Variants in SERPINB5 observed in about 807,000 individuals in gnomAD.
SERPINB5 encodes serpin B5.
In SERPINB5, 27 loss-of-function variants were observed where a neutral mutation model predicts 32.2. That is an observed-to-expected ratio of 0.84 (90% CI 0.62 to 1.16). SERPINB5 has a LOEUF of 1.16. Among genes scored for constraint, SERPINB5 ranks in the 50% most tolerant of loss-of-function variants. The pLI, the probability that SERPINB5 is intolerant of heterozygous loss-of-function variation, is 0.00. For synonymous variants in SERPINB5, 154 were observed against 157.4 expected (o/e 0.98, Z 0.16); for missense variants, 388 against 436.3 (o/e 0.89, Z 0.99).
intron 2 of SERPINB5, chr18:63,485,965 G>T (rs756091117): frequency 2.6e-5 from 4 of 151,812 alleles, no homozygotes; most frequent in Non-Finnish European, 5.9e-5. Flanking sequence ...ATGTTGTGGT[G>T]TTGCAAGGCA....
chr18:63,479,913 A>C (rs2144491700), intron 1 of SERPINB5, among the ~76,000 whole-genome samples: 1 of 152,264 alleles, frequency 6.6e-6, no homozygotes, highest in South Asian at 2.1e-4. Context: ...TCAAGGGGAG[A>C]CTTCAGGACA....
At position 63,484,569 on chromosome 18, in the gene SERPINB5, A is replaced by G; in HGVS notation, c.141A>G (p.Lys47=). The G allele has an allele frequency of 6.2e-7, 1 of 1,613,680 alleles. No individual in the cohort carries two copies. The highest frequency in any genetic ancestry group is 8.5e-7 in the Non-Finnish European group (1 of 1,179,930). Residue 47 remains lysine, a synonymous_variant, in exon 2 of 7, where the codon AAA becomes AAG. Transcript: ENST00000382771. ...TSLSLAQVGA[K]GDTANEIGQV... ...TGTCACTTGCTCAAGTGGGTGCTAA[A>G]GGTGACACTGCAAATGAAATTGGAC...
Position 63,486,999 on chromosome 18 carries a change from A to G in SERPINB5, c.222A>G (p.Thr74=). ...TACCCTTTGGATTTCAAACAGTAAC[A>G]TCGGATGTAAACAAACTTAGTTCCT... ...KDVPFGFQTV[T]SDVNKLSSFY... is the part of the protein sequence containing the mutation. Residue 74 remains threonine, a synonymous_variant, in exon 3 of 7, where the codon ACA becomes ACG. Transcript: ENST00000382771. 3 of 1,614,220 alleles carry G rather than the reference A, an allele frequency of 1.9e-6. No individual in the cohort carries two copies. Among genetic ancestry groups the G allele is most frequent in the Non-Finnish European group, 2.5e-6 (3 of 1,180,004 alleles).
rs1909371498 is a variant in SERPINB5 at position 63,492,976 on chromosome 18, G to A, written c.448G>A (p.Asp150Asn). ...AGGCCACTTTGAGAACATTTTAGCT[G>A]ACAACAGTGTGAACGACCAGACCAA... is the stretch of plus-strand genomic sequence containing the variant. Reference protein sequence around the residue: ...TDGHFENILADNSVNDQTKIL... With the variant: ...TDGHFENILANNSVNDQTKIL... The change falls in exon 5 of 7, where the codon GAC (aspartate) becomes AAC (asparagine). Residue 150 changes from aspartate (D) to asparagine (N), a missense_variant. Transcript: ENST00000382771. The A allele has an allele frequency of 6.2e-7, 1 of 1,613,292 alleles. No individual in the cohort carries two copies. The highest frequency in any genetic ancestry group is 1.3e-5 in the African/African-American group (1 of 74,874).
intron 4 of SERPINB5, among the ~76,000 whole-genome samples, chr18:63,492,163 G>C (rs186319249): frequency 7.7e-4 from 118 of 152,286 alleles, no homozygotes; most frequent in African/African-American, 2.8e-3. Flanking sequence ...TTTTTATTAA[G>C]GGATCACTCC....
At chr18:63,499,429 G>A (rs1354861215) in intron 6 of SERPINB5, 142 bp downstream of exon 6, 7 of 629,208 alleles carry the variant, frequency 1.1e-5, no homozygotes, top group Admixed American at 4.1e-5. Context: ...AGGACCCATG[G>A]TTCTTTCTGG....
intron 4 of SERPINB5, chr18:63,490,622 G>GTC (rs1262958142): frequency 6.6e-6 from 1 of 152,178 alleles, no homozygotes; most frequent in Non-Finnish European, 1.5e-5. Context: ...CAGCTACTCT[G>GTC]TCTCTGTACT....
intron 4 of SERPINB5, among the ~76,000 whole-genome samples, chr18:63,491,333 C>T (rs569279431): frequency 1.1e-4 from 14 of 129,532 alleles, no homozygotes; most frequent in Non-Finnish European, 1.9e-4. Flanking sequence ...ACCTGGGAGG[C>T]GGAGGTTGCA....
chr18:63,477,365 G>A (rs1917052700), intron 1 of SERPINB5: 1 of 152,150 alleles, frequency 6.6e-6, no homozygotes, highest in Non-Finnish European at 1.5e-5. Flanking sequence ...TCACGGAGGA[G>A]AAAATACTTC....
At chr18:63,484,302 T>C (rs79308051) in intron 1 of SERPINB5, 120 bp from the exon 2 acceptor site, 15,689 of 1,026,350 alleles carry the variant, frequency 0.015, 179 homozygotes, top group African/African-American at 0.053. Flanking sequence ...AGAAAGTTCC[T>C]TGTTTCTTCT....
chr18:63,489,475 T>G lies in SERPINB5; in HGVS notation c.424+11T>G. On this transcript the variant is annotated intron_variant, in intron 4 of 6. Coordinates refer to ENST00000382771, the MANE Select transcript of SERPINB5 (RefSeq NM_002639.5). ...AGGATCTCACAGATGGCAAGTACCCTTTAATTGTTCTGCTATCAATCACCA... is the reference window on the plus strand; with the variant it reads ...AGGATCTCACAGATGGCAAGTACCCGTTAATTGTTCTGCTATCAATCACCA... The G allele has an allele frequency of 6.8e-7, 1 of 1,479,674 alleles. No individual in the cohort carries two copies. The highest frequency in any genetic ancestry group is 9.4e-7 in the Non-Finnish European group (1 of 1,062,436). 91.7% of individuals were successfully genotyped at this position (1,479,674 alleles called of 1,614,324 possible).
At position 63,495,332 on chromosome 18, in the gene SERPINB5, A is replaced by G. The variant is rs1382111852; in HGVS notation, c.567+2237A>G. On this transcript the variant is annotated intron_variant, in intron 5 of 6. Coordinates refer to ENST00000382771, the MANE Select transcript of SERPINB5 (RefSeq NM_002639.5). The stretch of plus-strand genomic sequence containing the variant: ...TTATCTGGAGTGGAAGTGGAACGTG[A>G]CTTTACCCAGCCTCTACTGTGAGTT... Among the ~76,000 whole-genome samples, 8 of 149,286 alleles carry G rather than the reference A, an allele frequency of 5.4e-5. No homozygotes were observed. The East Asian group carries it at 1.7e-3, about 32-fold the overall frequency.
At chr18:63,496,500 G>A (rs1909450373) in intron 5 of SERPINB5, among the ~76,000 whole-genome samples, 1 of 152,132 alleles carries the variant, frequency 6.6e-6, no homozygotes, top group South Asian at 2.1e-4. Flanking sequence ...TAGTTGGGGT[G>A]GGAAGTGGAA....
chr18:63,481,452 T>C (rs2144492821), intron 1 of SERPINB5, among the ~76,000 whole-genome samples: 2 of 152,346 alleles, frequency 1.3e-5, no homozygotes, highest in South Asian at 4.1e-4. Context: ...GGATAATAAA[T>C]ACGTGCTTGG....
At chr18:63,499,827 G>C (rs1429835328) in intron 6 of SERPINB5, among the ~76,000 whole-genome samples, 1 of 151,892 alleles carries the variant, frequency 6.6e-6, no homozygotes. Flanking sequence ...TTTAAAATTA[G>C]TAGATGTTAT....
In SERPINB5 at chr18:63,498,749, G is replaced by A. The variant is rs568654437; in HGVS notation, c.568-371G>A. The stretch of plus-strand genomic sequence containing the variant: ...GACACTGTGTCAAGAGCAAATTTGT[G>A]TATATATATATATGTACATATATAT... On this transcript the variant is annotated intron_variant, in intron 5 of 6. Transcript: ENST00000382771. The surrounding 1 kb of genome is among the most constrained non-coding windows in gnomAD (Gnocchi z 4.2). Among the ~76,000 whole-genome samples, 29 of 149,972 alleles carry A rather than the reference G, an allele frequency of 1.9e-4. No individual in the cohort carries two copies. The South Asian group carries it at 6.1e-3, about 32-fold the overall frequency.
rs115548677 is a variant in SERPINB5, at chr18:63,495,630, G to A, written c.567+2535G>A. Reference sequence around the variant, plus strand: ...TTTTGTGTCAACCACACTAAGGGTCGTACTTTTTTCATTAAGAAAGTATTA... The same window carrying A: ...TTTTGTGTCAACCACACTAAGGGTCATACTTTTTTCATTAAGAAAGTATTA... On this transcript the variant is annotated intron_variant, in intron 5 of 6. Transcript: ENST00000382771. Among the ~76,000 whole-genome samples the A allele has an allele frequency of 4.8e-3, 732 of 152,318 alleles. 7 individuals carry two copies. Among genetic ancestry groups the A allele is most frequent in the African/African-American group, 0.017 (702 of 41,566 alleles).
chr18:63,487,188 G>T, intron 3 of SERPINB5, 105 bp downstream of exon 3: 1 of 1,104,826 alleles, frequency 9.1e-7, no homozygotes, highest in Non-Finnish European at 1.3e-6. Flanking sequence ...TTTCTAGGAT[G>T]TTCACTTGTG....
intron 1 of SERPINB5, among the ~76,000 whole-genome samples, chr18:63,482,792 C>CATTTTGCAGAT (rs1568107907): frequency 4.0e-5 from 6 of 150,938 alleles, no homozygotes; most frequent in Non-Finnish European, 7.4e-5. Flanking sequence ...GAAAACCAGA[C>CATTTTGCAGAT]ACATTTTGAA....
Sources: gnomAD v4.1 joint callset for allele counts (sites outside exome capture counted in the v4.1 genomes callset) on GRCh38, gnomAD v4.1.1 for gene constraint, Gnocchi (gnomAD v3.1) non-coding constraint, MANE v1.5 for transcripts, NCBI Gene and HGNC (gene_info 2026-07-23, HGNC 2026-07-21) for gene names.